NFASC: variants seen among roughly 807,000 people sequenced by gnomAD.
NFASC encodes the protein neurofascin homolog.
Under a neutral mutation model 147.5 loss-of-function variants are expected in NFASC, and 43 were observed. That is an observed-to-expected ratio of 0.29 (90% CI 0.23 to 0.38). The LOEUF (loss-of-function observed/expected upper bound fraction) is 0.38. NFASC is among the 10% of genes least tolerant of loss of function. NFASC has a pLI of 1.00. For missense variants in NFASC, 1,320 were observed against 1,689.0 expected, an observed-to-expected ratio of 0.78 and a Z score of 3.83; for synonymous variants, 622 against 665.5, an observed-to-expected ratio of 0.93 and a Z score of 1.01.
At chr1:204,856,262 G>A (rs1390829219) in intron 1 of NFASC, among the ~76,000 whole-genome samples, 3 of 152,106 alleles carry the variant, frequency 2.0e-5, no homozygotes, top group Admixed American at 2.0e-4. Flanking sequence ...ACAGATGGCT[G>A]TTGCAGACAA....
intron 28 of NFASC, 81 bp downstream of exon 28, chr1:205,009,769 G>A (rs1189211371): frequency 9.7e-6 from 14 of 1,441,240 alleles, no homozygotes; most frequent in South Asian, 2.5e-5. Flanking sequence ...AGCCAGATCC[G>A]GGGAATGTGT....
chr1:204,915,553 A>T (rs906983149), intron 1 of NFASC, among the ~76,000 whole-genome samples: 15 of 152,204 alleles, frequency 9.9e-5, no homozygotes, highest in African/African-American at 3.6e-4. Context: ...TTCTAGGCTC[A>T]TCTCAAAAGT....
rs752767443 is a variant in NFASC at position 204,950,575 on chromosome 1, G to A, written c.109+1G>A. On this transcript the variant is annotated splice_donor_variant, in intron 4 of 29. Coordinates refer to ENST00000339876, the MANE Select transcript of NFASC (RefSeq NM_001005388.3). LOFTEE classifies it high-confidence loss of function. ...CTAACAGCAAGCATTCAGAATGAGC[G>A]TAAGTGCCCTGTGTGCCTCTCTGTG... The A allele has an allele frequency of 8.7e-6, 14 of 1,612,448 alleles. No homozygotes were observed. The highest frequency in any genetic ancestry group is 2.2e-5 in the East Asian group (1 of 44,874).
intron 11 of NFASC, 121 bp from the exon 12 acceptor site, chr1:204,973,155 C>G: frequency 2.0e-6 from 2 of 997,956 alleles, no homozygotes; most frequent in Admixed American, 2.0e-5. Flanking sequence ...TGTCATCTGG[C>G]CCCCCATCTG....
rs1190456210 is a variant in NFASC at position 204,976,674 on chromosome 1, G to T, written c.1710G>T (p.Met570Ile). The change falls in exon 16 of 30, where the codon ATG becomes ATT. Residue 570 changes from methionine to isoleucine, a missense_variant. Physicochemically the swap from Met to Ile is conservative, Grantham distance 10. Coordinates refer to ENST00000339876, the MANE Select transcript of NFASC (RefSeq NM_001005388.3). ...CCCTTCCTCGGTACCTTTGCAGGAT[G>T]AAGAAGGAAGACGACTCCCTGACCA... ...DDEPLYIGNR[M>I]KKEDDSLTIF... 1 of 1,612,656 alleles carries T rather than the reference G, an allele frequency of 6.2e-7. No individual in the cohort carries two copies.
chr1:204,988,577 A>G, intron 22 of NFASC, 56 bp from the exon 23 acceptor site: 3 of 1,500,428 alleles, frequency 2.0e-6, no homozygotes, highest in Non-Finnish European at 2.8e-6. Context: ...TGCAGATTAT[A>G]TAACCCATCA....
rs780548658 is a variant in NFASC, at chr1:204,830,914, TG to T, written c.-200+2135del. On this transcript the variant is annotated intron_variant, in intron 1 of 29. Transcript: ENST00000339876. ...CAGCTCCTGTGCAGTAAACTCTGAA[TG>T]GGCCTCAGGCAGTGCCTGGCAAGGG... Among the ~76,000 whole-genome samples, 108 of 152,318 alleles carry T rather than the reference TG, an allele frequency of 7.1e-4. 1 individual carries two copies. The highest frequency in any genetic ancestry group is 1.7e-3 in the Admixed American group (26 of 15,306).
chr1:204,936,734 C>T (rs1026885011), intron 2 of NFASC, among the ~76,000 whole-genome samples: 1 of 152,196 alleles, frequency 6.6e-6, no homozygotes, highest in Non-Finnish European at 1.5e-5. Flanking sequence ...ATGTGGCAGC[C>T]AGAGTGGTCT....
rs1270848855 is a variant in NFASC at position 204,843,638 on chromosome 1, C to G, written c.-200+14856C>G. Among the ~76,000 whole-genome samples the G allele has an allele frequency of 6.0e-4, 65 of 107,570 alleles. No individual in the cohort carries two copies. In the East Asian group the frequency reaches 0.017, roughly 28 times the overall value. The allele number at this position is 107,570 out of a possible 152,430, so 70.6% of individuals were successfully genotyped here. On this transcript the variant is annotated intron_variant, in intron 1 of 29. Transcript: ENST00000339876. ...TTCCTTCCTTCCTTCCTCCCTCCCT[C>G]CCTCCCTCCCTCCCTCCCTTCCTTC...
chr1:204,894,243 T>C (rs2149084990), intron 1 of NFASC, among the ~76,000 whole-genome samples: 1 of 152,358 alleles, frequency 6.6e-6, no homozygotes, highest in African/African-American at 2.4e-5. Flanking sequence ...AACTTGGCCA[T>C]ATGCCCATCC....
intron 1 of NFASC, among the ~76,000 whole-genome samples, chr1:204,887,270 G>C (rs2081475629): frequency 1.3e-5 from 2 of 152,094 alleles, no homozygotes; most frequent in South Asian, 4.1e-4. Context: ...TTTGTGAGTG[G>C]CTTATTTCAC....
At chr1:204,840,179 G>A (rs1232994741) in intron 1 of NFASC, among the ~76,000 whole-genome samples, 27 of 152,142 alleles carry the variant, frequency 1.8e-4, no homozygotes, top group Admixed American at 1.8e-3. Context: ...AAGGTCCCAG[G>A]TAATGCCAGT....
At chr1:204,984,270 A>C (rs1434782269) in intron 21 of NFASC, 5 of 648,084 alleles carry the variant, frequency 7.7e-6, no homozygotes, top group Non-Finnish European at 1.4e-5. Context: ...GGTTGACTCA[A>C]GAAGATAATG....
intron 1 of NFASC, among the ~76,000 whole-genome samples, chr1:204,888,765 T>C (rs1207018814): frequency 6.6e-6 from 1 of 152,224 alleles, no homozygotes; most frequent in East Asian, 1.9e-4. Flanking sequence ...TGAATGAGTA[T>C]GACAAGATGG....
rs536296982 is a variant in NFASC, at chr1:204,918,765, T to C, written c.-199-1867T>C. On this transcript the variant is annotated intron_variant, in intron 1 of 29. Transcript: ENST00000339876. ...GACGCCCGGCTAATTTTTGTATTTT[T>C]AGTAGAGACAGGGTTTCACCATGTT... 1.4e-4 allele frequency among the ~76,000 whole-genome samples: 22 copies of C among 151,830 alleles called. No homozygotes were observed. The South Asian group carries it at 4.4e-3, about 30-fold the overall frequency.
chr1:204,894,768 A>G (rs1313096056), intron 1 of NFASC, among the ~76,000 whole-genome samples: 2 of 152,148 alleles, frequency 1.3e-5, no homozygotes, highest in African/African-American at 4.8e-5. Context: ...TTCTTCCTGC[A>G]TCATCCACTG....
intron 1 of NFASC, among the ~76,000 whole-genome samples, chr1:204,898,933 T>A (rs2083945821): frequency 6.6e-6 from 1 of 152,172 alleles, no homozygotes; most frequent in Non-Finnish European, 1.5e-5. Flanking sequence ...CTAAAGCTAT[T>A]TGAGGATATG....
chr1:204,960,906 G>A (rs1254084055), intron 8 of NFASC, among the ~76,000 whole-genome samples: 1 of 152,198 alleles, frequency 6.6e-6, no homozygotes, highest in Non-Finnish European at 1.5e-5. Context: ...GCAGATTTGG[G>A]ATGCAATGCA....
At position 204,997,374 on chromosome 1, in the gene NFASC, C is replaced by A; in HGVS notation, c.2987C>A (p.Thr996Asn). 11 of 1,553,562 alleles carry A rather than the reference C, an allele frequency of 7.1e-6. No homozygotes were observed. Among genetic ancestry groups the A allele is most frequent in the Non-Finnish European group, 8.7e-6 (10 of 1,147,904 alleles). The change falls in exon 25 of 30, where the codon ACC becomes AAC. Residue 996 changes from threonine (T) to asparagine (N), a missense_variant. By Grantham distance (65) the Thr-to-Asn change is moderately conservative. Coordinates refer to ENST00000339876, the MANE Select transcript of NFASC (RefSeq NM_001005388.3). ...AATTTTESPP[T>N]TTSGTKIHES... ...ACCACCACCACGGAGAGTCCTCCCA[C>A]CACCACCTCCGGGACTAAGATACAC...
Sources: allele counts gnomAD v4.1 joint callset (sites outside exome capture counted in the v4.1 genomes callset), GRCh38; gene constraint gnomAD v4.1.1; transcripts MANE v1.5; gene names NCBI Gene and HGNC (gene_info 2026-07-23, HGNC 2026-07-21).